Variants in CD6 observed in about 807,000 individuals in gnomAD.
CD6 encodes T-cell differentiation antigen CD6.
CD6 carries 53 observed loss-of-function variants against 75.3 expected under a neutral mutation model. The observed-to-expected ratio is 0.70, with a 90% CI of 0.56 to 0.88. The LOEUF is 0.88. Ranked by LOEUF, CD6 falls within the 40% of genes least tolerant of loss-of-function variation. The pLI is 0.00. For synonymous variants in CD6, 359 were observed against 381.5 expected (o/e 0.94, Z 0.69); for missense variants, 770 against 897.1 (o/e 0.86, Z 1.81).
rs576607645 is a variant in CD6 at position 61,013,571 on chromosome 11, C to T, written c.1291+8C>T. 1.9e-6 allele frequency: 3 copies of T among 1,613,936 alleles called. No individual in the cohort carries two copies. Among genetic ancestry groups the T allele is most frequent in the African/African-American group, 1.3e-5 (1 of 75,048 alleles). On this transcript the variant is annotated splice_region_variant and intron_variant, in intron 7 of 12. Coordinates refer to ENST00000313421, the MANE Select transcript of CD6 (RefSeq NM_006725.5). ...GAATTAAAGGAAAATATGGTAAGTG[C>T]AAGGTTCTGGGAGCCATGGCCATCC...
intron 5 of CD6, among the ~76,000 whole-genome samples, chr11:61,010,171 C>T (rs904384985): frequency 6.6e-6 from 1 of 152,150 alleles, no homozygotes; most frequent in Non-Finnish European, 1.5e-5. Context: ...CCATCCCAGG[C>T]CTGGTGATGA....
intron 1 of CD6, among the ~76,000 whole-genome samples, chr11:60,993,899 C>T (rs959469962): frequency 3.3e-5 from 5 of 152,222 alleles, no homozygotes; most frequent in African/African-American, 1.2e-4. Flanking sequence ...GAGAACATGG[C>T]TCACGCCCTC....
intron 1 of CD6, among the ~76,000 whole-genome samples, chr11:60,992,267 C>T (rs149698605): frequency 0.012 from 1,888 of 152,022 alleles, 37 homozygotes; most frequent in African/African-American, 0.044. Context: ...TCAAGCAATC[C>T]TCCTGCCTCA....
intron 1 of CD6, among the ~76,000 whole-genome samples, chr11:61,001,962 C>T (rs1480345614): frequency 1.3e-5 from 2 of 152,202 alleles, no homozygotes; most frequent in Non-Finnish European, 2.9e-5. Flanking sequence ...TTAATTTTTC[C>T]ATTTTGATTA....
At position 61,019,422 on chromosome 11, in the gene CD6, G is replaced by T; in HGVS notation, c.*104G>T. The T allele has an allele frequency of 1.2e-6, 1 of 841,050 alleles. No homozygotes were observed. 52.1% of individuals were successfully genotyped at this position (841,050 alleles called of 1,614,324 possible). ...CCCTCCCAGCTCACCTCCCCATGGA[G>T]CTGAGAGGCCTCCCTTGGAGAGATG... On this transcript the variant is annotated 3_prime_UTR_variant, in exon 13 of 13. Transcript: ENST00000313421.
chr11:60,991,141 T>TTTTC (rs1261249872), intron 1 of CD6, among the ~76,000 whole-genome samples: 2 of 125,708 alleles, frequency 1.6e-5, no homozygotes, highest in African/African-American at 6.2e-5. Context: ...TTTCTTTTCT[T>TTTTC]TTTCTTTCTT....
chr11:60,980,613 G>C (rs1245036056), intron 1 of CD6, among the ~76,000 whole-genome samples: 2 of 152,226 alleles, frequency 1.3e-5, no homozygotes, highest in East Asian at 1.9e-4. Context: ...CGGATCACTT[G>C]AGGTCAGGAG....
rs117838105 is a variant in CD6 at position 61,010,788 on chromosome 11, C to T, written c.1085-282C>T. On this transcript the variant is annotated intron_variant, in intron 5 of 12. Transcript: ENST00000313421. ...GAACAAACTGAAACTGAATGGAAAA[C>T]GGATTTGTGGTCTGTAGCAGCTTAC... Among the ~76,000 whole-genome samples the T allele has an allele frequency of 8.4e-3, 1,281 of 152,262 alleles. 7 individuals carry two copies. Among genetic ancestry groups the T allele is most frequent in the South Asian group, 0.016 (77 of 4,826 alleles).
chr11:61,017,221 G>C (rs896011858), intron 9 of CD6: 7 of 518,370 alleles, frequency 1.4e-5, no homozygotes, highest in Non-Finnish European at 2.1e-5. Context: ...TAAGTAGCAG[G>C]AGGGACAGCT....
At chr11:60,995,771 A>G (rs1402899242) in intron 1 of CD6, among the ~76,000 whole-genome samples, 1 of 151,810 alleles carries the variant, frequency 6.6e-6, no homozygotes, top group African/African-American at 2.4e-5. Context: ...GCCACCCAGG[A>G]CCCCCTGCCC....
chr11:60,990,177 G>A (rs924719714), intron 1 of CD6, among the ~76,000 whole-genome samples: 1 of 152,186 alleles, frequency 6.6e-6, no homozygotes, highest in African/African-American at 2.4e-5. Context: ...TTTCGTTAGA[G>A]AGGAATATTG....
At chr11:61,010,755 C>T (rs1335938932) in intron 5 of CD6, among the ~76,000 whole-genome samples, 5 of 152,178 alleles carry the variant, frequency 3.3e-5, no homozygotes, top group Non-Finnish European at 7.3e-5. Context: ...TCTCCCTAGG[C>T]TGATTAAGAA....
At chr11:60,980,936 C>T (rs1857539623) in intron 1 of CD6, among the ~76,000 whole-genome samples, 1 of 152,136 alleles carries the variant, frequency 6.6e-6, no homozygotes, top group Non-Finnish European at 1.5e-5. Context: ...AGGGGAGGTG[C>T]TGACCAGCCA....
intron 5 of CD6, among the ~76,000 whole-genome samples, chr11:61,010,869 G>A (rs1485246146): frequency 2.7e-5 from 4 of 150,830 alleles, no homozygotes; most frequent in African/African-American, 4.9e-5. Flanking sequence ...AGCCTTCCCA[G>A]CATTTAATCC....
intron 1 of CD6, among the ~76,000 whole-genome samples, chr11:60,990,904 C>T (rs1858035189): frequency 1.3e-5 from 2 of 151,708 alleles, no homozygotes; most frequent in Admixed American, 1.3e-4. Context: ...TGGAATAATC[C>T]AGCCTATGAT....
chr11:60,996,608 T>G (rs2135102557), intron 1 of CD6, among the ~76,000 whole-genome samples: 1 of 152,296 alleles, frequency 6.6e-6, no homozygotes, highest in East Asian at 1.9e-4. Flanking sequence ...AGGCCAGTCT[T>G]CATACACAAG....
In CD6 at chr11:61,012,290, T is replaced by A. The variant is rs187163825; in HGVS notation, c.1151-1133T>A. ...CACGCCATCCTGGAAGGGCAAAGAG[T>A]GAAGCACAAAGAGAGATCCAGGGAC... On this transcript the variant is annotated intron_variant, in intron 6 of 12. Transcript: ENST00000313421. 3.6e-3 allele frequency among the ~76,000 whole-genome samples: 540 copies of A among 151,876 alleles called. 3 individuals carry two copies. The highest frequency in any genetic ancestry group is 0.012 in the African/African-American group (510 of 41,398).
At chr11:60,986,887 G>GCACTTCCCA (rs1367362277) in intron 1 of CD6, among the ~76,000 whole-genome samples, 1 of 152,176 alleles carries the variant, frequency 6.6e-6, no homozygotes, top group African/African-American at 2.4e-5. Flanking sequence ...CTGCACTTTG[G>GCACTTCCCA]GAGGCTGAGG....
intron 1 of CD6, among the ~76,000 whole-genome samples, chr11:60,999,266 G>C (rs540230825): frequency 2.0e-5 from 3 of 151,394 alleles, no homozygotes; most frequent in African/African-American, 7.3e-5. Flanking sequence ...TATTCTTTTA[G>C]CATCTCTCCT....
Sources: gnomAD v4.1 joint callset for allele counts (sites outside exome capture counted in the v4.1 genomes callset) on GRCh38, gnomAD v4.1.1 for gene constraint, MANE v1.5 for transcripts, NCBI Gene and HGNC (gene_info 2026-07-23, HGNC 2026-07-21) for gene names.